Variants in PKIG observed in about 807,000 individuals in gnomAD.
PKIG encodes protein kinase (cAMP-dependent, catalytic) inhibitor gamma.
Under a neutral mutation model 6.8 loss-of-function variants are expected in PKIG, and 1 was observed. That is an observed-to-expected ratio of 0.15 (90% confidence interval 0.05 to 0.69). The LOEUF (loss-of-function observed/expected upper bound fraction) is 0.69. Ranked by LOEUF, PKIG falls within the 30% of genes least tolerant of loss-of-function variation. PKIG has a pLI of 0.82. For synonymous variants in PKIG, 39 were observed against 43.0 expected, an observed-to-expected ratio of 0.91 and a Z score of 0.36; for missense variants, 77 against 104.0, an observed-to-expected ratio of 0.74 and a Z score of 1.13.
intron 1 of PKIG, among the ~76,000 whole-genome samples, chr20:44,571,263 C>T (rs2064851956): frequency 6.8e-6 from 1 of 146,524 alleles, no homozygotes; most frequent in Admixed American, 6.9e-5. Flanking sequence ...ACAAAATGAC[C>T]TGAAAAAATT....
intron 2 of PKIG, among the ~76,000 whole-genome samples, chr20:44,591,213 G>A (rs1007259862): frequency 3.3e-5 from 5 of 152,136 alleles, no homozygotes; most frequent in South Asian, 4.1e-4. Flanking sequence ...GCAGCACAGC[G>A]AAGGCCTGGA....
chr20:44,584,664 T>A (rs1310893144), intron 1 of PKIG, among the ~76,000 whole-genome samples: 1 of 152,080 alleles, frequency 6.6e-6, no homozygotes, highest in Admixed American at 6.5e-5. Context: ...ATTTAGAAAC[T>A]ATTTGTTTGA....
At chr20:44,565,079 C>T (rs557439757) in intron 1 of PKIG, among the ~76,000 whole-genome samples, 10 of 152,154 alleles carry the variant, frequency 6.6e-5, no homozygotes, top group African/African-American at 2.4e-4. Context: ...TTGACCTGGG[C>T]GCTTATGAAA....
At chr20:44,557,911 T>C (rs1394432599) in intron 1 of PKIG, among the ~76,000 whole-genome samples, 2 of 152,090 alleles carry the variant, frequency 1.3e-5, no homozygotes, top group African/African-American at 4.8e-5. Context: ...TCCTAAGGCT[T>C]TTCCATGTCT....
chr20:44,537,418 A>G (rs2064522564), intron 1 of PKIG, among the ~76,000 whole-genome samples: 1 of 151,244 alleles, frequency 6.6e-6, no homozygotes, highest in Non-Finnish European at 1.5e-5. Context: ...GTATTTTTAT[A>G]GAAATGGGGT....
chr20:44,562,566 C>T (rs1250022338), intron 1 of PKIG, among the ~76,000 whole-genome samples: 15 of 135,742 alleles, frequency 1.1e-4, no homozygotes. Flanking sequence ...CGTGCCACTG[C>T]ACTCCAGCCT....
chr20:44,553,982 A>G (rs920176244), intron 1 of PKIG, among the ~76,000 whole-genome samples: 1 of 152,188 alleles, frequency 6.6e-6, no homozygotes, highest in African/African-American at 2.4e-5. Context: ...AAGTGACCAA[A>G]GGACAGTGAG....
intron 2 of PKIG, among the ~76,000 whole-genome samples, chr20:44,599,246 A>G (rs1467607382): frequency 2.0e-5 from 3 of 152,168 alleles, no homozygotes; most frequent in African/African-American, 7.2e-5. Flanking sequence ...CAGGCATAAT[A>G]CTAATTCACT....
chr20:44,608,735 G>C (rs189908999), intron 2 of PKIG, among the ~76,000 whole-genome samples: 1 of 151,864 alleles, frequency 6.6e-6, no homozygotes, highest in Non-Finnish European at 1.5e-5. Flanking sequence ...AGGAAGTTGA[G>C]GCTACAGTGA....
chr20:44,533,044 G>C (rs1037084092), intron 1 of PKIG, among the ~76,000 whole-genome samples: 1 of 152,168 alleles, frequency 6.6e-6, no homozygotes, highest in Non-Finnish European at 1.5e-5. Context: ...GTTTTAAGCC[G>C]GAGGTGTGTG....
intron 1 of PKIG, among the ~76,000 whole-genome samples, chr20:44,587,846 T>A (rs1379759146): frequency 6.6e-6 from 1 of 152,206 alleles, no homozygotes. Flanking sequence ...TGTTGTGGGC[T>A]CCAATCACTA....
intron 1 of PKIG, among the ~76,000 whole-genome samples, chr20:44,576,110 T>C (rs1023407047): frequency 6.6e-6 from 1 of 151,996 alleles, no homozygotes; most frequent in Non-Finnish European, 1.5e-5. Context: ...GACGTGGTGC[T>C]TTTTACAAAA....
chr20:44,593,378 CACA>C (rs2065050187), intron 2 of PKIG, among the ~76,000 whole-genome samples: 1 of 145,628 alleles, frequency 6.9e-6, no homozygotes, highest in Non-Finnish European at 1.5e-5. Context: ...CACACACACA[CACA>C]CACACACACA....
In PKIG at chr20:44,546,688, G is replaced by T. The variant is rs3092700; in HGVS notation, c.-241+14710G>T. ...CTGCCTCAGCCCCCCGGGTAGCTGG[G>T]ACTACAGGCATGCACCACCACTCCC... On this transcript the variant is annotated intron_variant, in intron 1 of 4. Coordinates refer to the PKIG transcript ENST00000372887. Among the ~76,000 whole-genome samples the T allele has an allele frequency of 3.1e-3, 474 of 152,042 alleles. 1 individual carries two copies. Among genetic ancestry groups the T allele is most frequent in the African/African-American group, 0.011 (443 of 41,426 alleles).
At chr20:44,552,908 C>T (rs1271680152) in intron 1 of PKIG, among the ~76,000 whole-genome samples, 1 of 152,010 alleles carries the variant, frequency 6.6e-6, no homozygotes, top group African/African-American at 2.4e-5. Context: ...GAAGGTCTGG[C>T]TCATTGCTGA....
At chr20:44,616,375 C>T (rs1425988601) in intron 3 of PKIG, among the ~76,000 whole-genome samples, 1 of 152,144 alleles carries the variant, frequency 6.6e-6, no homozygotes. Flanking sequence ...ATGGAGGTAC[C>T]GAGTCAATGG....
At chr20:44,578,672 T>C (rs1455532926), upstream of PKIG, among the ~76,000 whole-genome samples, 1 of 152,196 alleles carries the variant, frequency 6.6e-6, no homozygotes, top group South Asian at 2.1e-4. Flanking sequence ...TCTTATACAG[T>C]CTGCAGAACT....
chr20:44,579,012 A>G (rs2064924795), upstream of PKIG, among the ~76,000 whole-genome samples: 1 of 152,234 alleles, frequency 6.6e-6, no homozygotes, highest in Non-Finnish European at 1.5e-5. Context: ...TCTCTACAAC[A>G]TAAATAAATA....
chr20:44,561,049 C>A (rs2064762637), intron 1 of PKIG, among the ~76,000 whole-genome samples: 2 of 152,204 alleles, frequency 1.3e-5, no homozygotes, highest in Admixed American at 1.3e-4. Flanking sequence ...ATAAAAACGT[C>A]ACAATGGGCC....
Sources: gnomAD v4.1 joint callset for allele counts (sites outside exome capture counted in the v4.1 genomes callset) on GRCh38, gnomAD v4.1.1 for gene constraint, MANE v1.5 for transcripts, NCBI Gene and HGNC (gene_info 2026-07-23, HGNC 2026-07-21) for gene names.